Variants in NET1 observed in about 807,000 individuals in gnomAD.
The protein encoded by NET1 is neuroepithelial cell transforming 1.
NET1 carries 42 observed loss-of-function variants against 61.1 expected under a neutral mutation model. The observed-to-expected ratio is 0.69, with a 90% CI of 0.54 to 0.89. The LOEUF (loss-of-function observed/expected upper bound fraction) is 0.89. NET1 is among the 40% of genes least tolerant of loss of function. The pLI is 0.00. For missense variants in NET1, 654 were observed against 747.3 expected, an observed-to-expected ratio of 0.88 and a Z score of 1.46; for synonymous variants, 254 against 281.8, an observed-to-expected ratio of 0.90 and a Z score of 0.99.
rs975849864 is a variant in NET1, at chr10:5,437,818, G to T, written c.255+8589G>T. Among the ~76,000 whole-genome samples, 1 of 152,080 alleles carries T rather than the reference G, an allele frequency of 6.6e-6. No individual in the cohort carries two copies. The highest frequency in any genetic ancestry group is 1.5e-5 in the Non-Finnish European group (1 of 68,012). On this transcript the variant is annotated intron_variant, in intron 3 of 11. Transcript: ENST00000355029. The surrounding 1 kb of genome is among the most constrained non-coding windows in gnomAD (Gnocchi z 4.3). Reference sequence around the variant, plus strand: ...AGTAGATTATACATTTTTCTCAAGTGCATGTAGAACATTCCAGGATAGACG... The same window carrying T: ...AGTAGATTATACATTTTTCTCAAGTTCATGTAGAACATTCCAGGATAGACG...
At position 5,446,560 on chromosome 10, in the gene NET1, T is replaced by C. The variant is rs1341659014; in HGVS notation, c.256-5270T>C. 8 of 1,161,896 alleles carry C rather than the reference T, an allele frequency of 6.9e-6. No individual in the cohort carries two copies. The highest frequency in any genetic ancestry group is 7.8e-5 in the East Asian group (2 of 25,640). 72.0% of individuals were successfully genotyped at this position (1,161,896 alleles called of 1,614,324 possible). On this transcript the variant is annotated intron_variant, in intron 3 of 11. Coordinates refer to ENST00000355029, the MANE Select transcript of NET1 (RefSeq NM_001047160.3). This position sits in a 1 kb window ranked among gnomAD's most constrained non-coding sequence, Gnocchi z 5.0. Reference sequence around the variant, plus strand: ...CCCGCCCCCAGGGCCCGGTTGGCTGTGGCCCCGCCCCCGAGCCCTGGGGTC... The same window carrying C: ...CCCGCCCCCAGGGCCCGGTTGGCTGCGGCCCCGCCCCCGAGCCCTGGGGTC...
Position 5,446,334 on chromosome 10 carries a change from T to A in NET1, c.256-5496T>A, listed in dbSNP as rs1227940210. On this transcript the variant is annotated intron_variant, in intron 3 of 11. Transcript: ENST00000355029. This position sits in a 1 kb window ranked among gnomAD's most constrained non-coding sequence, Gnocchi z 5.0. ...CTGAACTTATTCCCATGCAATAGGG[T>A]TTTATGGGAAAAGTCTGCCTGTCTG... is the stretch of plus-strand genomic sequence containing the variant. 6.6e-6 allele frequency among the ~76,000 whole-genome samples: 1 copy of A among 152,150 alleles called. No individual in the cohort carries two copies. Among genetic ancestry groups the A allele is most frequent in the Non-Finnish European group, 1.5e-5 (1 of 68,014 alleles).
intron 3 of NET1, among the ~76,000 whole-genome samples, chr10:5,432,178 T>C (rs189730423): frequency 6.6e-6 from 1 of 152,232 alleles, no homozygotes; most frequent in Non-Finnish European, 1.5e-5. Context: ...GATTGGTCAT[T>C]GTTGATAGGA....
chr10:5,433,958 A>G (rs1484518110), intron 3 of NET1, among the ~76,000 whole-genome samples: 1 of 151,798 alleles, frequency 6.6e-6, no homozygotes, highest in Non-Finnish European at 1.5e-5. Context: ...ATCACCTCTC[A>G]TTTCAATTCC....
In NET1 at chr10:5,456,224, T is replaced by C; in HGVS notation, c.1335T>C (p.Asp445=). The C allele has an allele frequency of 1.2e-6, 2 of 1,614,068 alleles. No homozygotes were observed. Among genetic ancestry groups the C allele is most frequent in the Non-Finnish European group, 1.7e-6 (2 of 1,179,986 alleles). Residue 445 remains aspartate (D), a synonymous_variant, in exon 11 of 12, where the codon GAT becomes GAC. Transcript: ENST00000355029. The surrounding 1 kb of genome is among the most constrained non-coding windows in gnomAD (Gnocchi z 7.0). ...TCCTAGAAGACCTGCAGGATGGAGA[T>C]GTGAGAATGGGAGGCTCCTTTCGAG... ...ELVLEDLQDG[D]VRMGGSFRGA...
At position 5,446,305 on chromosome 10, in the gene NET1, C is replaced by T. The variant is rs1212064861; in HGVS notation, c.256-5525C>T. Reference sequence around the variant, plus strand: ...TCCTTATTTGAGTTGTCAAGTTGTCCATACTGAACTTATTCCCATGCAATA... The same window carrying T: ...TCCTTATTTGAGTTGTCAAGTTGTCTATACTGAACTTATTCCCATGCAATA... On this transcript the variant is annotated intron_variant, in intron 3 of 11. Transcript: ENST00000355029. The surrounding 1 kb of genome is among the most constrained non-coding windows in gnomAD (Gnocchi z 5.0). Among the ~76,000 whole-genome samples the T allele has an allele frequency of 1.3e-5, 2 of 152,144 alleles. No individual in the cohort carries two copies. Among genetic ancestry groups the T allele is most frequent in the Non-Finnish European group, 1.5e-5 (1 of 68,024 alleles).
chr10:5,414,859 G>A (rs1832052282), intron 1 of NET1, among the ~76,000 whole-genome samples: 2 of 152,146 alleles, frequency 1.3e-5, no homozygotes, highest in Admixed American at 6.5e-5. Context: ...TGAAGAATGG[G>A]GTGTGTTGTG....
chr10:5,412,673 C>G lies in NET1; in HGVS notation c.-20C>G. The G allele has an allele frequency of 1.4e-6, 2 of 1,461,746 alleles. No individual in the cohort carries two copies. Among genetic ancestry groups the G allele is most frequent in the Non-Finnish European group, 1.8e-6 (2 of 1,118,400 alleles). The allele number at this position is 1,461,746 out of a possible 1,614,324, so 90.5% of individuals were successfully genotyped here. ...GGTCTCCCGGGCACCCGGCCACCGC[C>G]CCACCCCCTCCTCCGTGCCATGGAG... is the stretch of plus-strand genomic sequence containing the variant. On this transcript the variant is annotated 5_prime_UTR_variant, in exon 1 of 12. Transcript: ENST00000355029. This position sits in a 1 kb window ranked among gnomAD's most constrained non-coding sequence, Gnocchi z 6.5.
chr10:5,436,248 A>ATTTTT (rs1190534260), intron 3 of NET1, among the ~76,000 whole-genome samples: 7 of 18,420 alleles, frequency 3.8e-4, no homozygotes, highest in Non-Finnish European at 5.6e-4. Flanking sequence ...ATATATATAT[A>ATTTTT]TTTTTTTTTT....
In NET1 at chr10:5,440,004, C is replaced by T. The variant is rs1202773472; in HGVS notation, c.255+10775C>T. Among the ~76,000 whole-genome samples the T allele has an allele frequency of 6.6e-6, 1 of 152,156 alleles. No individual in the cohort carries two copies. Among genetic ancestry groups the T allele is most frequent in the Non-Finnish European group, 1.5e-5 (1 of 68,032 alleles). The stretch of plus-strand genomic sequence containing the variant: ...GTGCAACACCTGTCCTTTCCTGTAG[C>T]GGGGAGATCCCAGAAAGCCTCAGGC... On this transcript the variant is annotated intron_variant, in intron 3 of 11. Transcript: ENST00000355029. This position sits in a 1 kb window ranked among gnomAD's most constrained non-coding sequence, Gnocchi z 4.1.
Position 5,431,014 on chromosome 10 carries a change from G to A in NET1, c.255+1785G>A, listed in dbSNP as rs1307035331. On this transcript the variant is annotated intron_variant, in intron 3 of 11. Coordinates refer to ENST00000355029, the MANE Select transcript of NET1 (RefSeq NM_001047160.3). This position sits in a 1 kb window ranked among gnomAD's most constrained non-coding sequence, Gnocchi z 4.9. ...AGCCTCCCAAGTAGCTGGGATTACA[G>A]GTGCCCGCCACCACGCCCGGCTAAT... Among the ~76,000 whole-genome samples the A allele has an allele frequency of 6.6e-6, 1 of 151,512 alleles. No homozygotes were observed. The highest frequency in any genetic ancestry group is 1.5e-5 in the Non-Finnish European group (1 of 67,912).
Position 5,420,323 on chromosome 10 carries a change from G to A in NET1, c.129-6332G>A, listed in dbSNP as rs921308844. ...AGAAAGGTTAGAAAAAACAGGAGGA[G>A]GAAGCTAAATACATTATGATATTCT... On this transcript the variant is annotated intron_variant, in intron 1 of 11. Transcript: ENST00000355029. This position sits in a 1 kb window ranked among gnomAD's most constrained non-coding sequence, Gnocchi z 5.3. Among the ~76,000 whole-genome samples, 2 of 152,132 alleles carry A rather than the reference G, an allele frequency of 1.3e-5. No homozygotes were observed. The highest frequency in any genetic ancestry group is 2.9e-5 in the Non-Finnish European group (2 of 68,030).
Position 5,417,891 on chromosome 10 carries a change from GT to G in NET1, c.128+5079del, listed in dbSNP as rs967534963. On this transcript the variant is annotated intron_variant, in intron 1 of 11. Coordinates refer to ENST00000355029, the MANE Select transcript of NET1 (RefSeq NM_001047160.3). The surrounding 1 kb of genome is among the most constrained non-coding windows in gnomAD (Gnocchi z 5.5). The stretch of plus-strand genomic sequence containing the variant: ...GGTTTTTATCATGAAAGGTTTTAGG[GT>G]TTTTTTTCTTTTGTCTATTGAAATG... 2.3e-4 allele frequency among the ~76,000 whole-genome samples: 35 copies of G among 151,724 alleles called. No individual in the cohort carries two copies. The highest frequency in any genetic ancestry group is 8.5e-4 in the African/African-American group (35 of 41,352).
At position 5,426,389 on chromosome 10, in the gene NET1, T is replaced by C. The variant is rs1832258222; in HGVS notation, c.129-266T>C. Among the ~76,000 whole-genome samples the C allele has an allele frequency of 6.6e-6, 1 of 152,184 alleles. No homozygotes were observed. The highest frequency in any genetic ancestry group is 2.1e-4 in the South Asian group (1 of 4,834). ...TTCCTAAGGTAAACTCTGTTGAGTT[T>C]GGCAAATTACTTTTTAAAATAATCT... is the stretch of plus-strand genomic sequence containing the variant. On this transcript the variant is annotated intron_variant, in intron 1 of 11. Transcript: ENST00000355029. This position sits in a 1 kb window ranked among gnomAD's most constrained non-coding sequence, Gnocchi z 4.6.
chr10:5,451,964 T>C lies in NET1; in HGVS notation c.363+27T>C, dbSNP rs530256972. ...TAAAAAGAGAGGAGGAAGAGTAATG[T>C]AGTCAGCGGACTTTATAGAAGCCTG... On this transcript the variant is annotated intron_variant, in intron 4 of 11. Transcript: ENST00000355029. The surrounding 1 kb of genome is among the most constrained non-coding windows in gnomAD (Gnocchi z 6.1). The C allele has an allele frequency of 8.1e-4, 1,256 of 1,548,964 alleles. 18 individuals carry two copies. The highest frequency in any genetic ancestry group is 1.8e-4 in the Non-Finnish European group (202 of 1,123,030).
chr10:5,434,483 T>C (rs72779847), intron 3 of NET1, among the ~76,000 whole-genome samples: 2,491 of 152,262 alleles, frequency 0.016, 36 homozygotes, highest in Non-Finnish European at 0.027. Flanking sequence ...GCTGCTATTC[T>C]GAGACTAGTA....
rs1832513858 is a variant in NET1 at position 5,440,839 on chromosome 10, T to G, written c.256-10991T>G. Among the ~76,000 whole-genome samples, 1 of 152,192 alleles carries G rather than the reference T, an allele frequency of 6.6e-6. No homozygotes were observed. The highest frequency in any genetic ancestry group is 1.5e-5 in the Non-Finnish European group (1 of 68,046). ...TCACTACTCTGTGTCTCATCCCTAT[T>G]CATACCTGTAGTCCTTATCACCATT... On this transcript the variant is annotated intron_variant, in intron 3 of 11. Coordinates refer to ENST00000355029, the MANE Select transcript of NET1 (RefSeq NM_001047160.3). This position sits in a 1 kb window ranked among gnomAD's most constrained non-coding sequence, Gnocchi z 4.1.
chr10:5,454,403 G>C lies in NET1; in HGVS notation c.907G>C (p.Asp303His). The C allele has an allele frequency of 6.2e-7, 1 of 1,614,166 alleles. No homozygotes were observed. The highest frequency in any genetic ancestry group is 8.5e-7 in the Non-Finnish European group (1 of 1,180,028). ...CLESPFSRKLDLWSFLDIPRS... is the reference protein window; with the variant it reads ...CLESPFSRKLHLWSFLDIPRS... ...CGAGTCTCCCTTCAGTCGAAAACTA[G>C]ATCTTTGGAGTTTCCTAGATATCCC... The change falls in exon 9 of 12, where the codon GAT (aspartate) becomes CAT (histidine). Residue 303 changes from aspartate (D) to histidine (H), a missense_variant. Coordinates refer to ENST00000355029, the MANE Select transcript of NET1 (RefSeq NM_001047160.3). This position sits in a 1 kb window ranked among gnomAD's most constrained non-coding sequence, Gnocchi z 8.1.
In NET1 at chr10:5,443,811, T is replaced by C. The variant is rs929002233; in HGVS notation, c.256-8019T>C. Among the ~76,000 whole-genome samples, 2 of 152,182 alleles carry C rather than the reference T, an allele frequency of 1.3e-5. No homozygotes were observed. The highest frequency in any genetic ancestry group is 1.3e-4 in the Admixed American group (2 of 15,274). Reference sequence around the variant, plus strand: ...GAAGGAGAGAATGAAAGATACCCCTTCTCATTATCTTGGCTCATTTCTGTT... The same window carrying C: ...GAAGGAGAGAATGAAAGATACCCCTCCTCATTATCTTGGCTCATTTCTGTT... On this transcript the variant is annotated intron_variant, in intron 3 of 11. Transcript: ENST00000355029. The surrounding 1 kb of genome is among the most constrained non-coding windows in gnomAD (Gnocchi z 4.8).
Sources: allele counts gnomAD v4.1 joint callset (sites outside exome capture counted in the v4.1 genomes callset), GRCh38; gene constraint gnomAD v4.1.1; non-coding constraint Gnocchi (gnomAD v3.1); transcripts MANE v1.5; gene names NCBI Gene and HGNC (gene_info 2026-07-23, HGNC 2026-07-21).